Variants in VAV3 observed in about 807,000 individuals in gnomAD.
VAV3 encodes vav guanine nucleotide exchange factor 3, also known as guanine nucleotide exchange factor VAV3.
Under a neutral mutation model 131.2 loss-of-function variants are expected in VAV3, and 94 were observed. The observed-to-expected ratio is 0.72, with a 90% CI of 0.61 to 0.85. The LOEUF (loss-of-function observed/expected upper bound fraction) is 0.85, where lower values mean the gene tolerates loss of function less well. VAV3 is among the 40% of genes least tolerant of loss of function. The pLI is 0.00. For synonymous variants in VAV3, 349 were observed against 342.0 expected, an observed-to-expected ratio of 1.02 and a Z score of -0.22; for missense variants, 939 against 1,002.7, an observed-to-expected ratio of 0.94 and a Z score of 0.86.
At chr1:107,615,257 T>C (rs1227911546) in intron 21 of VAV3, among the ~76,000 whole-genome samples, 1 of 152,160 alleles carries the variant, frequency 6.6e-6, no homozygotes, top group Non-Finnish European at 1.5e-5. Flanking sequence ...AACAAGATTA[T>C]GTCCTTTGCA....
At chr1:107,621,757 G>A (rs1023687961) in intron 20 of VAV3, among the ~76,000 whole-genome samples, 2 of 151,986 alleles carry the variant, frequency 1.3e-5, no homozygotes, top group African/African-American at 4.8e-5. Context: ...CTCCTGCCTC[G>A]TATTTGTTCT....
At chr1:107,644,013 G>A (rs559056537) in intron 19 of VAV3, among the ~76,000 whole-genome samples, 68 of 151,924 alleles carry the variant, frequency 4.5e-4, no homozygotes, top group Non-Finnish European at 9.0e-4. Context: ...ACCCCCAGAG[G>A]GATGATTTTA....
chr1:107,747,761 T>C (rs189183370), intron 15 of VAV3, among the ~76,000 whole-genome samples: 4 of 152,326 alleles, frequency 2.6e-5, no homozygotes, highest in Non-Finnish European at 5.9e-5. Flanking sequence ...AGCCAGTTCA[T>C]GGCAGTGATA....
intron 1 of VAV3, among the ~76,000 whole-genome samples, chr1:107,888,001 A>T (rs1671117670): frequency 7.0e-6 from 1 of 143,060 alleles, no homozygotes; most frequent in African/African-American, 2.9e-5. Context: ...CTATCCAAAA[A>T]TTTGGGGGGG....
chr1:107,816,388 A>G (rs1667561590), intron 2 of VAV3, among the ~76,000 whole-genome samples: 2 of 152,218 alleles, frequency 1.3e-5, no homozygotes, highest in African/African-American at 4.8e-5. Flanking sequence ...AAAAGCTCTC[A>G]TCTAGTGCCA....
At position 107,704,872 on chromosome 1, in the gene VAV3, C is replaced by T. The variant is rs1660345863; in HGVS notation, c.1604+88G>A. The T allele has an allele frequency of 3.7e-6, 5 of 1,347,844 alleles. No homozygotes were observed. In the Admixed American group the frequency reaches 7.4e-5, roughly 20 times the overall value. The allele number at this position is 1,347,844 out of a possible 1,614,324, so 83.5% of individuals were successfully genotyped here. A position where few individuals can be genotyped will look rare whatever the true frequency, so the allele number is the denominator to read the frequency against. The stretch of plus-strand genomic sequence containing the variant: ...CTAAGGCAAATTCCCCACTTTAGAA[C>T]CTATTGGCTAGAAGGTTAGAAAAGT... On this transcript the variant is annotated intron_variant, in intron 16 of 26. Coordinates refer to ENST00000370056, the MANE Select transcript of VAV3 (RefSeq NM_006113.5).
chr1:107,628,776 G>T (rs138435741), intron 20 of VAV3, among the ~76,000 whole-genome samples: 2 of 152,094 alleles, frequency 1.3e-5, no homozygotes, highest in East Asian at 3.9e-4. Context: ...GTCTGAAAAG[G>T]ACTCTAGTTT....
At chr1:107,618,673 G>T (rs552327640) in intron 20 of VAV3, among the ~76,000 whole-genome samples, 2 of 152,100 alleles carry the variant, frequency 1.3e-5, no homozygotes, top group Non-Finnish European at 2.9e-5. Flanking sequence ...TACAGATGAG[G>T]AAAATGAGAC....
At position 107,906,245 on chromosome 1, in the gene VAV3, CTTGTT is replaced by C. The variant is rs59790141; in HGVS notation, c.205-31233_205-31229del. Among the ~76,000 whole-genome samples, 122 of 152,088 alleles carry C rather than the reference CTTGTT, an allele frequency of 8.0e-4. 1 individual carries two copies. Among genetic ancestry groups the C allele is most frequent in the African/African-American group, 2.2e-3 (92 of 41,394 alleles). On this transcript the variant is annotated intron_variant, in intron 1 of 26. Transcript: ENST00000370056. ...CAGAAGCCACAACCCTAAGCCAAGG[CTTGTT>C]TTGTTTTGTTTTGTTTTGTTTTGTT... is the stretch of plus-strand genomic sequence containing the variant.
intron 2 of VAV3, among the ~76,000 whole-genome samples, chr1:107,852,874 C>A (rs1669290871): frequency 6.6e-6 from 1 of 152,144 alleles, no homozygotes; most frequent in South Asian, 2.1e-4. Flanking sequence ...GTGCATTTCA[C>A]CAGGCAAATG....
At chr1:107,651,095 AC>A (rs935816127) in intron 19 of VAV3, among the ~76,000 whole-genome samples, 33 of 152,210 alleles carry the variant, frequency 2.2e-4, no homozygotes, top group African/African-American at 7.7e-4. Context: ...GAGCTCCCTC[AC>A]CCCATCTACC....
chr1:107,867,065 C>G (rs961065596), intron 2 of VAV3, among the ~76,000 whole-genome samples: 1 of 152,120 alleles, frequency 6.6e-6, no homozygotes, highest in African/African-American at 2.4e-5. Context: ...GTTTTCCTCA[C>G]TGCAGGACTT....
At chr1:107,819,655 A>G (rs1162587945) in intron 2 of VAV3, among the ~76,000 whole-genome samples, 1 of 152,190 alleles carries the variant, frequency 6.6e-6, no homozygotes, top group African/African-American at 2.4e-5. Flanking sequence ...TTAAATGGAA[A>G]AATTCGATTG....
At chr1:107,645,107 C>A (rs1399596076) in intron 19 of VAV3, among the ~76,000 whole-genome samples, 1 of 151,894 alleles carries the variant, frequency 6.6e-6, no homozygotes, top group Non-Finnish European at 1.5e-5. Flanking sequence ...AGAAGTTCAC[C>A]TAGTAGCACA....
At chr1:107,820,520 G>T (rs897266174) in intron 2 of VAV3, among the ~76,000 whole-genome samples, 1 of 152,010 alleles carries the variant, frequency 6.6e-6, no homozygotes, top group Admixed American at 6.6e-5. Flanking sequence ...AATAGAGTTA[G>T]ATAGAATGAA....
chr1:107,926,043 GC>G (rs1423022183), intron 1 of VAV3, among the ~76,000 whole-genome samples: 1 of 152,130 alleles, frequency 6.6e-6, no homozygotes, highest in East Asian at 1.9e-4. Flanking sequence ...ACTTTGGGAA[GC>G]CGAGGCGGGC....
intron 15 of VAV3, among the ~76,000 whole-genome samples, chr1:107,725,084 C>T (rs1056918929): frequency 1.3e-5 from 2 of 152,144 alleles, no homozygotes; most frequent in African/African-American, 2.4e-5. Context: ...TAAAGCAAGA[C>T]AGTGACATCA....
intron 15 of VAV3, among the ~76,000 whole-genome samples, chr1:107,717,658 C>T (rs1661194792): frequency 6.6e-6 from 1 of 152,100 alleles, no homozygotes; most frequent in South Asian, 2.1e-4. Context: ...TTACTTCCAA[C>T]AATGTGGTCA....
intron 15 of VAV3, among the ~76,000 whole-genome samples, chr1:107,733,568 C>T (rs1662395873): frequency 6.6e-6 from 1 of 152,126 alleles, no homozygotes. Context: ...AGCTGAAAAC[C>T]ATGGCATGAG....
Sources: allele counts gnomAD v4.1 joint callset (sites outside exome capture counted in the v4.1 genomes callset), GRCh38; gene constraint gnomAD v4.1.1; transcripts MANE v1.5; gene names NCBI Gene and HGNC (gene_info 2026-07-23, HGNC 2026-07-21).